COL5A2: variants seen among roughly 807,000 people sequenced by gnomAD.
COL5A2 encodes the protein collagen alpha-2(V) chain.
A neutral mutation model predicts 208.2 loss-of-function variants in COL5A2; 23 were observed. The observed-to-expected ratio is 0.11, with a 90% CI of 0.08 to 0.16. COL5A2 has a LOEUF of 0.16. Among genes scored for constraint, COL5A2 ranks in the 10% least tolerant of loss-of-function variants. The pLI, the probability that COL5A2 is intolerant of heterozygous loss-of-function variation, is 1.00. For synonymous variants in COL5A2, 625 were observed against 628.5 expected (o/e 0.99, Z 0.08); for missense variants, 1,590 against 1,956.4 (o/e 0.81, Z 3.53).
chr2:189,343,618 A>ACTT, the COL5A2 span, among the ~76,000 whole-genome samples: 1 of 152,148 alleles, frequency 6.6e-6, no homozygotes, highest in African/African-American at 2.4e-5. Context: ...TATCTGGATT[A>ACTT]CTTCTGAAAA....
chr2:189,249,283 G>A, the COL5A2 span, among the ~76,000 whole-genome samples: 3 of 152,126 alleles, frequency 2.0e-5, no homozygotes, highest in Non-Finnish European at 4.4e-5. Flanking sequence ...CAGTTTTTAA[G>A]CAATGAACCT....
chr2:189,149,553 T>A (rs907425341), intron 1 of COL5A2, among the ~76,000 whole-genome samples: 3 of 152,172 alleles, frequency 2.0e-5, no homozygotes, highest in Non-Finnish European at 2.9e-5. Context: ...TTTACATTTT[T>A]AAAAATCGAC....
chr2:189,404,452 C>T, the COL5A2 span, among the ~76,000 whole-genome samples: 1 of 152,206 alleles, frequency 6.6e-6, no homozygotes, highest in Non-Finnish European at 1.5e-5. Flanking sequence ...CCCACCTCTA[C>T]TCCACTCCCA....
chr2:189,354,862 T>C, the COL5A2 span, among the ~76,000 whole-genome samples: 6 of 152,226 alleles, frequency 3.9e-5, no homozygotes, highest in Non-Finnish European at 8.8e-5. Flanking sequence ...CTTCTTTTAA[T>C]TGTGATGTTA....
At position 189,056,979 on chromosome 2, in the gene COL5A2, A is replaced by T. The variant is rs776869141; in HGVS notation, c.2385T>A (p.Gly795=). The change falls in exon 35 of 54, where the codon GGT becomes GGA. Residue 795 remains glycine (G), a synonymous_variant. Transcript: ENST00000374866. ...KGAEGTAGND[G]ARGLPGPLGP... is the part of the protein sequence containing the mutation. Reference sequence around the variant, plus strand: ...AAGGAATACTTTCACTTACTCTTGCACCATCATTTCCAGCTGTGCCTTCAG... The same window carrying T: ...AAGGAATACTTTCACTTACTCTTGCTCCATCATTTCCAGCTGTGCCTTCAG... 9.3e-6 allele frequency: 15 copies of T among 1,614,058 alleles called. No individual in the cohort carries two copies. Among genetic ancestry groups the T allele is most frequent in the African/African-American group, 1.3e-5 (1 of 75,050 alleles).
intron 1 of COL5A2, among the ~76,000 whole-genome samples, chr2:189,210,078 C>T (rs1689192770): frequency 6.6e-6 from 1 of 152,020 alleles, no homozygotes. Flanking sequence ...TAAAGAATAG[C>T]AAACAGTCTT....
At chr2:189,114,715 C>T (rs925549555) in intron 1 of COL5A2, among the ~76,000 whole-genome samples, 13 of 150,586 alleles carry the variant, frequency 8.6e-5, no homozygotes, top group African/African-American at 3.2e-4. Context: ...GGAGGGAGAG[C>T]ATTAGTAAAA....
the COL5A2 span, among the ~76,000 whole-genome samples, chr2:189,400,275 C>T: frequency 5.3e-5 from 8 of 152,138 alleles, no homozygotes; most frequent in African/African-American, 9.7e-5. Context: ...ATTGCTTCTG[C>T]GCTATTCTCT....
chr2:189,093,735 A>G (rs986500681), intron 6 of COL5A2, among the ~76,000 whole-genome samples: 4 of 152,156 alleles, frequency 2.6e-5, no homozygotes, highest in African/African-American at 9.7e-5. Context: ...TGACTCCTAA[A>G]CTACTAACAA....
chr2:189,078,295 G>GGCTATAA (rs1366464974), intron 16 of COL5A2, among the ~76,000 whole-genome samples: 2 of 151,754 alleles, frequency 1.3e-5, no homozygotes, highest in African/African-American at 2.4e-5. Flanking sequence ...AATGTACTGT[G>GGCTATAA]GCTATATGTT....
chr2:189,393,326 T>C, the COL5A2 span, among the ~76,000 whole-genome samples: 9 of 152,150 alleles, frequency 5.9e-5, no homozygotes, highest in Admixed American at 5.2e-4. Context: ...AGAAAACTAA[T>C]AACTAAATTG....
chr2:189,294,082 C>T, the COL5A2 span, among the ~76,000 whole-genome samples: 5 of 143,678 alleles, frequency 3.5e-5, no homozygotes, highest in African/African-American at 5.2e-5. Flanking sequence ...AGCGAGACTC[C>T]GTCTCAAGAA....
chr2:189,168,049 T>C (rs1321048791), intron 1 of COL5A2, among the ~76,000 whole-genome samples: 1 of 151,680 alleles, frequency 6.6e-6, no homozygotes, highest in African/African-American at 2.4e-5. Context: ...ACCATTCTCC[T>C]GCCTCAGCCT....
At chr2:189,238,046 G>A in the COL5A2 span, among the ~76,000 whole-genome samples, 21 of 151,734 alleles carry the variant, frequency 1.4e-4, 1 homozygote, top group South Asian at 3.3e-3. Flanking sequence ...ATATATTTGC[G>A]AGCTATTATA....
chr2:189,252,095 GA>G, the COL5A2 span, among the ~76,000 whole-genome samples: 8 of 152,094 alleles, frequency 5.3e-5, no homozygotes, highest in Non-Finnish European at 7.4e-5. Flanking sequence ...TGGTGATCAT[GA>G]AAAAGTCAGG....
At chr2:189,408,320 T>C in the COL5A2 span, among the ~76,000 whole-genome samples, 1 of 152,182 alleles carries the variant, frequency 6.6e-6, no homozygotes, top group Non-Finnish European at 1.5e-5. Flanking sequence ...TACTGCCCAT[T>C]AAATATAAAC....
At chr2:189,393,031 GA>G in the COL5A2 span, among the ~76,000 whole-genome samples, 34 of 151,638 alleles carry the variant, frequency 2.2e-4, no homozygotes, top group Non-Finnish European at 3.4e-4. Context: ...ATAAATAAAA[GA>G]AAAAAAACTT....
intron 1 of COL5A2, among the ~76,000 whole-genome samples, chr2:189,178,831 C>T (rs1688730397): frequency 6.6e-6 from 1 of 152,026 alleles, no homozygotes. Context: ...CCGGGAACCA[C>T]CACTGTCCTG....
At position 189,068,208 on chromosome 2, in the gene COL5A2, C is replaced by T. The variant is rs369427302; in HGVS notation, c.1302+18G>A. The T allele has an allele frequency of 4.3e-6, 7 of 1,613,344 alleles. No homozygotes were observed. Among genetic ancestry groups the T allele is most frequent in the Non-Finnish European group, 5.1e-6 (6 of 1,179,314 alleles). ...TCATGCCCATTTGAGCTTCACATGC[C>T]ATAAATGCAGTACTCACCGTTGGGC... is the stretch of plus-strand genomic sequence containing the variant. On this transcript the variant is annotated intron_variant, in intron 20 of 53. Coordinates refer to ENST00000374866, the MANE Select transcript of COL5A2 (RefSeq NM_000393.5).
Sources: gnomAD v4.1 joint callset for allele counts (sites outside exome capture counted in the v4.1 genomes callset) on GRCh38, gnomAD v4.1.1 for gene constraint, MANE v1.5 for transcripts, NCBI Gene and HGNC (gene_info 2026-07-23, HGNC 2026-07-21) for gene names.